Variants in DSE observed in about 807,000 individuals in gnomAD.
DSE encodes dermatan sulfate epimerase.
In DSE, 36 loss-of-function variants were observed where a neutral mutation model predicts 84.4. The ratio of observed to expected loss-of-function variants is 0.43; its 90% CI spans 0.33 to 0.56. The LOEUF is 0.56. Among genes scored for constraint, DSE ranks in the 20% least tolerant of loss-of-function variants. The pLI, the probability that DSE is intolerant of heterozygous loss-of-function variation, is 0.06. For synonymous variants in DSE, 410 were observed against 430.1 expected (o/e 0.95, Z 0.58); for missense variants, 862 against 1,169.6 (o/e 0.74, Z 3.84).
chr6:116,421,795 A>G (rs1783111779), intron 2 of DSE, among the ~76,000 whole-genome samples: 1 of 152,106 alleles, frequency 6.6e-6, no homozygotes, highest in Non-Finnish European at 1.5e-5. Context: ...AATAGAAGGA[A>G]GGTGTTGTTT....
chr6:116,308,185 T>G (rs1041716100), intron 2 of DSE, among the ~76,000 whole-genome samples: 2 of 152,230 alleles, frequency 1.3e-5, no homozygotes, highest in Admixed American at 1.3e-4. Flanking sequence ...ACAACCTGGT[T>G]GCTTCCACTT....
At chr6:116,356,056 T>G (rs1778552067) in intron 2 of DSE, among the ~76,000 whole-genome samples, 1 of 152,178 alleles carries the variant, frequency 6.6e-6, no homozygotes, top group African/African-American at 2.4e-5. Context: ...CTGAATGGCA[T>G]GAAGGCTGTT....
At chr6:116,279,977 G>T in intron 2 of DSE, 1 of 1,155,374 alleles carries the variant, frequency 8.7e-7, no homozygotes, top group Non-Finnish European at 1.3e-6. Context: ...TCACGGTATC[G>T]CGAGAACTTG....
At chr6:116,421,939 T>C (rs376555250) in intron 2 of DSE, among the ~76,000 whole-genome samples, 1 of 152,180 alleles carries the variant, frequency 6.6e-6, no homozygotes, top group African/African-American at 2.4e-5. Flanking sequence ...TTTAATAATC[T>C]TTTCAAATAA....
intron 2 of DSE, among the ~76,000 whole-genome samples, chr6:116,357,486 C>T (rs779275988): frequency 1.3e-5 from 2 of 151,346 alleles, no homozygotes; most frequent in African/African-American, 4.9e-5. Flanking sequence ...GAGCCGACAC[C>T]GCGCCACTGC....
At chr6:116,380,566 G>C (rs140876266) in intron 1 of DSE, among the ~76,000 whole-genome samples, 27 of 152,290 alleles carry the variant, frequency 1.8e-4, no homozygotes, top group African/African-American at 6.3e-4. Flanking sequence ...TGGAGCAGCT[G>C]CCAGGTCAAG....
chr6:116,319,446 G>A (rs947650305), intron 2 of DSE, among the ~76,000 whole-genome samples: 3 of 152,202 alleles, frequency 2.0e-5, no homozygotes, highest in Admixed American at 2.0e-4. Context: ...AGGAAATATG[G>A]TGAATCTAAC....
At chr6:116,341,685 G>C (rs1338109857) in intron 2 of DSE, among the ~76,000 whole-genome samples, 2 of 152,212 alleles carry the variant, frequency 1.3e-5, no homozygotes, top group Non-Finnish European at 2.9e-5. Context: ...TGTAAGGAAG[G>C]CATCCAGTTT....
At chr6:116,318,627 C>G (rs1200200235) in intron 2 of DSE, among the ~76,000 whole-genome samples, 1 of 152,156 alleles carries the variant, frequency 6.6e-6, no homozygotes, top group Non-Finnish European at 1.5e-5. Flanking sequence ...GATATCAAAG[C>G]TCCAGTTTGT....
intron 2 of DSE, among the ~76,000 whole-genome samples, chr6:116,343,782 G>A (rs1243753876): frequency 2.0e-5 from 3 of 152,194 alleles, no homozygotes; most frequent in South Asian, 2.1e-4. Flanking sequence ...GATGGAGAAT[G>A]ACTTTGATGA....
chr6:116,282,711 A>T (rs1402593514), intron 2 of DSE, among the ~76,000 whole-genome samples: 3 of 152,248 alleles, frequency 2.0e-5, no homozygotes, highest in Non-Finnish European at 4.4e-5. Context: ...TTGTGATTAT[A>T]ACTATTCCTT....
At chr6:116,303,979 C>A (rs7742336) in intron 2 of DSE, among the ~76,000 whole-genome samples, 38,426 of 151,636 alleles carry the variant, frequency 0.25, 6,475 homozygotes, top group African/African-American at 0.48. Flanking sequence ...ACTAAAAATA[C>A]AAAAAAACTA....
intron 1 of DSE, among the ~76,000 whole-genome samples, chr6:116,392,465 T>G (rs1464221416): frequency 6.6e-6 from 1 of 152,170 alleles, no homozygotes; most frequent in Middle Eastern, 3.2e-3. Context: ...TAACTAACTA[T>G]GGGGCCCATC....
intron 2 of DSE, among the ~76,000 whole-genome samples, chr6:116,307,138 C>G (rs1195373000): frequency 1.3e-5 from 2 of 152,132 alleles, no homozygotes; most frequent in Non-Finnish European, 2.9e-5. Context: ...GTCCTGAGGA[C>G]AGCAGCTATG....
chr6:116,437,379 A>G lies in DSE; in HGVS notation c.*34A>G. On this transcript the variant is annotated 3_prime_UTR_variant, in exon 6 of 6. Coordinates refer to ENST00000644252, the MANE Select transcript of DSE (RefSeq NM_013352.4). ...CTATAAATTACCTGGTCATTTTGTGATCACAAGAGTCTATGCAAAAAAAAA... is the reference window on the plus strand; with the variant it reads ...CTATAAATTACCTGGTCATTTTGTGGTCACAAGAGTCTATGCAAAAAAAAA... The G allele has an allele frequency of 6.6e-7, 1 of 1,515,088 alleles. No individual in the cohort carries two copies. 93.9% of individuals were successfully genotyped at this position (1,515,088 alleles called of 1,614,324 possible). A position where few individuals can be genotyped will look rare whatever the true frequency, so the allele number is the denominator to read the frequency against.
rs1172868960 is a variant in DSE, at chr6:116,278,853, T to C, written c.-54+19886T>C. 1.9e-6 allele frequency: 3 copies of C among 1,614,056 alleles called. No homozygotes were observed. The African/African-American group carries it at 4.0e-5, about 22-fold the overall frequency. ...GCTTGTTTCTGAAGTAGGGGTTTCT[T>C]CTAAAGAAGAACTTGAACTTGCAAC... On this transcript the variant is annotated intron_variant, in intron 2 of 3. Coordinates refer to the DSE transcript ENST00000430252.
intron 2 of DSE, among the ~76,000 whole-genome samples, chr6:116,409,470 G>A (rs1465001411): frequency 1.3e-5 from 2 of 151,990 alleles, no homozygotes; most frequent in Non-Finnish European, 2.9e-5. Context: ...TAGTAGAGAC[G>A]GGGTTTCACC....
chr6:116,343,512 C>T (rs1052211903), intron 2 of DSE, among the ~76,000 whole-genome samples: 1 of 152,358 alleles, frequency 6.6e-6, no homozygotes, highest in South Asian at 2.1e-4. Context: ...GCAGCATCCA[C>T]TGGTGATACC....
At chr6:116,289,690 A>C (rs923886684) in intron 2 of DSE, among the ~76,000 whole-genome samples, 2 of 152,094 alleles carry the variant, frequency 1.3e-5, no homozygotes, top group Non-Finnish European at 2.9e-5. Context: ...AACAAAATTC[A>C]TCAAGGTCAT....
Sources: gnomAD v4.1 joint callset for allele counts (sites outside exome capture counted in the v4.1 genomes callset) on GRCh38, gnomAD v4.1.1 for gene constraint, MANE v1.5 for transcripts, NCBI Gene and HGNC (gene_info 2026-07-23, HGNC 2026-07-21) for gene names.